Variants in NTRK2 observed in about 807,000 individuals in gnomAD.
NTRK2 encodes neurotrophic receptor tyrosine kinase 2, also known as BDNF/NT-3 growth factors receptor.
NTRK2 carries 13 observed loss-of-function variants against 94.5 expected under a neutral mutation model. The observed-to-expected ratio is 0.14, with a 90% CI of 0.09 to 0.22. The LOEUF is 0.22. Among genes scored for constraint, NTRK2 ranks in the 10% least tolerant of loss-of-function variants. NTRK2 has a pLI of 1.00. For synonymous variants in NTRK2, 372 were observed against 407.4 expected, an observed-to-expected ratio of 0.91 and a Z score of 1.05; for missense variants, 639 against 1,071.2, an observed-to-expected ratio of 0.60 and a Z score of 5.63.
chr9:84,930,376 C>G (rs1407623764), intron 14 of NTRK2, among the ~76,000 whole-genome samples: 1 of 152,118 alleles, frequency 6.6e-6, no homozygotes, highest in Non-Finnish European at 1.5e-5. Context: ...GGGCCCAGAG[C>G]TCAGTGGGTG....
chr9:84,696,490 G>A (rs1027383940), intron 2 of NTRK2, among the ~76,000 whole-genome samples: 2 of 152,256 alleles, frequency 1.3e-5, no homozygotes, highest in East Asian at 1.9e-4. Context: ...GTCCTATGAC[G>A]GTGATAAACT....
chr9:84,695,232 G>A (rs2060306353), intron 2 of NTRK2, among the ~76,000 whole-genome samples: 1 of 151,986 alleles, frequency 6.6e-6, no homozygotes, highest in Non-Finnish European at 1.5e-5. Flanking sequence ...TGTTGCCAAA[G>A]TACAGTTCAG....
intron 14 of NTRK2, among the ~76,000 whole-genome samples, chr9:84,897,945 T>G (rs2076808617): frequency 6.6e-6 from 1 of 151,878 alleles, no homozygotes; most frequent in African/African-American, 2.4e-5. Flanking sequence ...TAGCCCAGGG[T>G]GGGCAGAGGG....
chr9:84,810,823 A>G (rs2071698078), intron 12 of NTRK2: 3 of 1,354,866 alleles, frequency 2.2e-6, no homozygotes, highest in East Asian at 2.6e-5. Context: ...CCTCAAGAAA[A>G]CATGTTAAAT....
intron 13 of NTRK2, among the ~76,000 whole-genome samples, chr9:84,865,820 T>C (rs953886144): frequency 2.0e-5 from 3 of 152,234 alleles, no homozygotes; most frequent in African/African-American, 7.2e-5. Context: ...ACCCTGCCTG[T>C]GTAATACATA....
chr9:84,809,469 T>G (rs2071505058), intron 12 of NTRK2, among the ~76,000 whole-genome samples: 1 of 149,596 alleles, frequency 6.7e-6, no homozygotes, highest in Non-Finnish European at 1.5e-5. Flanking sequence ...ACATATACAA[T>G]GTACTGCATG....
At position 84,670,565 on chromosome 9, in the gene NTRK2, G is replaced by A. The variant is rs201997071; in HGVS notation, c.-184G>A. On this transcript the variant is annotated 5_prime_UTR_variant, in exon 2 of 19. Transcript: ENST00000277120. ...TGCCGGGGCCACTGTGAACCCTGCC[G>A]CCTGCCGGAACACTCTTCGCTCCGG... 4.6e-6 allele frequency: 3 copies of A among 650,050 alleles called. No homozygotes were observed. The highest frequency in any genetic ancestry group is 1.8e-5 in the African/African-American group (1 of 55,540). 40.3% of individuals were successfully genotyped at this position (650,050 alleles called of 1,614,324 possible).
At chr9:84,871,759 C>T (rs202023351) in intron 14 of NTRK2, 100 of 1,604,886 alleles carry the variant, frequency 6.2e-5, no homozygotes, top group Non-Finnish European at 7.9e-5. Context: ...CGAGCACTTT[C>T]CAATAGCAAG....
At position 84,790,954 on chromosome 9, in the gene NTRK2, T is replaced by C. The variant is rs566707214; in HGVS notation, c.1396+38869T>C. ...TCATAATTTAGCTAGCTGTTTGCCT[T>C]CAAATGTGGCATTGGCCCCGTGGGC... On this transcript the variant is annotated intron_variant, in intron 12 of 18. Transcript: ENST00000277120. Among the ~76,000 whole-genome samples, 18 of 152,364 alleles carry C rather than the reference T, an allele frequency of 1.2e-4. No individual in the cohort carries two copies. In the South Asian group the frequency reaches 3.7e-3, roughly 32 times the overall value.
At chr9:84,918,552 C>G (rs991857237) in intron 14 of NTRK2, among the ~76,000 whole-genome samples, 1 of 152,154 alleles carries the variant, frequency 6.6e-6, no homozygotes, top group Non-Finnish European at 1.5e-5. Context: ...TTCTGAAAAG[C>G]CTGGGATAGA....
At chr9:84,872,875 G>T in intron 14 of NTRK2, 1 of 1,065,152 alleles carries the variant, frequency 9.4e-7, no homozygotes, top group Non-Finnish European at 1.1e-6. Context: ...ATCACACAAG[G>T]CACCCATTCT....
rs1200381062 is a variant in NTRK2 at position 85,026,880 on chromosome 9, A to G, written c.*5443A>G. On this transcript the variant is annotated 3_prime_UTR_variant, in exon 19 of 19. Transcript: ENST00000277120. ...TGTTTTGAGGTCCATTGCTTTACTA[A>G]GACCCACTGCATCTTGGCTGATTTC... The G allele has an allele frequency of 1.7e-5, 4 of 232,816 alleles. No individual in the cohort carries two copies. The highest frequency in any genetic ancestry group is 3.4e-5 in the Non-Finnish European group (4 of 117,904). The allele number at this position is 232,816 out of a possible 1,614,324, so 14.4% of individuals were successfully genotyped here. A position where few individuals can be genotyped will look rare whatever the true frequency, so the allele number is the denominator to read the frequency against.
At chr9:84,836,211 C>T (rs1049454235) in intron 12 of NTRK2, among the ~76,000 whole-genome samples, 3 of 152,032 alleles carry the variant, frequency 2.0e-5, no homozygotes, top group South Asian at 2.1e-4. Flanking sequence ...TATTTAAGGC[C>T]GTGCATGTTG....
chr9:84,887,516 G>T (rs1469136779), intron 14 of NTRK2, among the ~76,000 whole-genome samples: 1 of 152,216 alleles, frequency 6.6e-6, no homozygotes, highest in Non-Finnish European at 1.5e-5. Context: ...CATCACTTAT[G>T]ATGCCTTTAA....
intron 17 of NTRK2, among the ~76,000 whole-genome samples, chr9:84,971,986 G>T (rs1348470077): frequency 2.6e-5 from 4 of 152,182 alleles, no homozygotes; most frequent in East Asian, 3.8e-4. Flanking sequence ...AGGAGACCAA[G>T]GATTCAGCTG....
At chr9:84,705,508 G>A (rs1404535382) in intron 4 of NTRK2, among the ~76,000 whole-genome samples, 1 of 152,034 alleles carries the variant, frequency 6.6e-6, no homozygotes, top group African/African-American at 2.4e-5. Flanking sequence ...CGGTAACCCC[G>A]CTCTTTGCGG....
chr9:85,002,094 C>T (rs1036721038), intron 17 of NTRK2, among the ~76,000 whole-genome samples: 1 of 152,156 alleles, frequency 6.6e-6, no homozygotes, highest in South Asian at 2.1e-4. Context: ...CTTGACCTTA[C>T]CTTGGTTACT....
chr9:84,875,410 A>T (rs1200812554), intron 14 of NTRK2: 2 of 1,061,822 alleles, frequency 1.9e-6, no homozygotes, highest in African/African-American at 3.3e-5. Flanking sequence ...AGACTCAGGA[A>T]ATGAGAGGCT....
intron 2 of NTRK2, among the ~76,000 whole-genome samples, chr9:84,692,531 C>T (rs149115987): frequency 1.5e-5 from 2 of 136,734 alleles, no homozygotes; most frequent in Middle Eastern, 4.6e-3. Flanking sequence ...AATCCAATGG[C>T]GCGATTTTGG....
Sources: allele counts gnomAD v4.1 joint callset (sites outside exome capture counted in the v4.1 genomes callset), GRCh38; gene constraint gnomAD v4.1.1; transcripts MANE v1.5; gene names NCBI Gene and HGNC (gene_info 2026-07-23, HGNC 2026-07-21).